EIF4ENIF1: variants seen among roughly 807,000 people sequenced by gnomAD.
EIF4ENIF1 encodes the protein eukaryotic translation initiation factor 4E transporter.
A neutral mutation model predicts 110.5 loss-of-function variants in EIF4ENIF1; 23 were observed. The observed-to-expected ratio is 0.21, with a 90% CI of 0.15 to 0.29. EIF4ENIF1 has a LOEUF of 0.29. Among genes scored for constraint, EIF4ENIF1 ranks in the 10% least tolerant of loss-of-function variants. The pLI is 1.00. For missense variants in EIF4ENIF1, 1,031 were observed against 1,221.1 expected (o/e 0.84, Z 2.32); for synonymous variants, 440 against 437.0 (o/e 1.01, Z -0.09).
Position 31,440,791 on chromosome 22 carries a change from A to AAGG in EIF4ENIF1, c.2626_2628dup (p.Pro876dup). The AAGG allele has an allele frequency of 3.7e-6, 6 of 1,614,002 alleles. No homozygotes were observed. Among genetic ancestry groups the AAGG allele is most frequent in the Non-Finnish European group, 5.1e-6 (6 of 1,179,884 alleles). On this transcript the variant is annotated inframe_insertion, in exon 18 of 19. Coordinates refer to ENST00000330125, the MANE Select transcript of EIF4ENIF1 (RefSeq NM_019843.4). ...AAGAGAGGGTGACTAGCAGCAGGTA[A>AAGG]AGGGTAAAAGGGCTGACCCAGGATG...
intron 2 of EIF4ENIF1, among the ~76,000 whole-genome samples, chr22:31,472,382 C>T (rs969384889): frequency 6.6e-6 from 1 of 151,854 alleles, no homozygotes; most frequent in South Asian, 2.1e-4. Flanking sequence ...AATTCTCTTG[C>T]TTCAGTCTCC....
chr22:31,482,749 C>A (rs1030749310), intron 2 of EIF4ENIF1, among the ~76,000 whole-genome samples: 1 of 149,266 alleles, frequency 6.7e-6, no homozygotes, highest in African/African-American at 2.5e-5. Context: ...TGAGGCCAGG[C>A]GTGGTGGCTC....
chr22:31,471,810 T>G, intron 3 of EIF4ENIF1, 34 bp downstream of exon 3: 1 of 1,539,148 alleles, frequency 6.5e-7, no homozygotes, highest in South Asian at 1.2e-5. Flanking sequence ...AGTTATTGAC[T>G]AGAAGTAGTT....
At chr22:31,452,572 T>C (rs1445383579) in intron 10 of EIF4ENIF1, among the ~76,000 whole-genome samples, 1 of 152,206 alleles carries the variant, frequency 6.6e-6, no homozygotes, top group Non-Finnish European at 1.5e-5. Flanking sequence ...AACTGCTGAA[T>C]GCCCCCTTCC....
chr22:31,481,451 C>T (rs1415213619), intron 2 of EIF4ENIF1, among the ~76,000 whole-genome samples: 1 of 151,992 alleles, frequency 6.6e-6, no homozygotes, highest in Non-Finnish European at 1.5e-5. Flanking sequence ...ATTCTACCTT[C>T]TCCAACATAA....
At chr22:31,448,309 A>G (rs1278146676) in intron 12 of EIF4ENIF1, 77 bp from the exon 13 acceptor site, 2 of 1,339,770 alleles carry the variant, frequency 1.5e-6, no homozygotes, top group African/African-American at 1.4e-5. Context: ...AATGCATGAC[A>G]TTTCTTGCTG....
chr22:31,456,485 A>C (rs1397263707), intron 7 of EIF4ENIF1, among the ~76,000 whole-genome samples: 1 of 151,526 alleles, frequency 6.6e-6, no homozygotes, highest in Non-Finnish European at 1.5e-5. Flanking sequence ...GGCCTCCCAA[A>C]GTGCTGGGAT....
rs559409449 is a variant in EIF4ENIF1 at position 31,476,211 on chromosome 22, A to T, written c.97-4294T>A. ...CAGATACTAAGAACCCTAATGTGCT[A>T]TTCAATCAAAGACAATCTTTCACGC... On this transcript the variant is annotated intron_variant, in intron 2 of 18. Transcript: ENST00000330125. 2.0e-5 allele frequency among the ~76,000 whole-genome samples: 3 copies of T among 152,326 alleles called. No homozygotes were observed. The East Asian group carries it at 5.8e-4, about 29-fold the overall frequency.
In EIF4ENIF1 at chr22:31,449,341, T is replaced by A. The variant is rs376590224; in HGVS notation, c.1768+7A>T. On this transcript the variant is annotated splice_region_variant and intron_variant, in intron 12 of 18. Coordinates refer to ENST00000330125, the MANE Select transcript of EIF4ENIF1 (RefSeq NM_019843.4). ...TCATATTTCTTTTGACAAATAAGTA[T>A]ATTTACCAATTGGTGATGGTATTCT... 2 of 1,612,902 alleles carry A rather than the reference T, an allele frequency of 1.2e-6. No homozygotes were observed. Among genetic ancestry groups the A allele is most frequent in the Non-Finnish European group, 1.7e-6 (2 of 1,179,466 alleles).
At chr22:31,482,621 G>A (rs2051860187) in intron 2 of EIF4ENIF1, among the ~76,000 whole-genome samples, 1 of 151,720 alleles carries the variant, frequency 6.6e-6, no homozygotes, top group Non-Finnish European at 1.5e-5. Context: ...AGCAGAGGTT[G>A]CAGTGAGCCA....
rs140034556 is a variant in EIF4ENIF1 at position 31,459,577 on chromosome 22, T to TG, written c.788-928_788-927insC. Reference sequence around the variant, plus strand: ...ATCTCTGAGTACTTGTCACACTGTATAATAGTAACTCTCTGGTGAGGCTAA... The same window carrying TG: ...ATCTCTGAGTACTTGTCACACTGTATGAATAGTAACTCTCTGGTGAGGCTAA... On this transcript the variant is annotated intron_variant, in intron 6 of 18. Transcript: ENST00000330125. 5.2e-3 allele frequency among the ~76,000 whole-genome samples: 789 copies of TG among 152,258 alleles called. 5 individuals carry two copies. The highest frequency in any genetic ancestry group is 0.018 in the African/African-American group (747 of 41,544).
intron 1 of EIF4ENIF1, 196 bp downstream of exon 1, chr22:31,489,498 G>A (rs2052180400): frequency 1.3e-5 from 2 of 148,398 alleles, no homozygotes; most frequent in Non-Finnish European, 3.0e-5. Context: ...CCGGCGGCTC[G>A]GTCCCCGCCA....
At chr22:31,456,507 G>C (rs927492272) in intron 7 of EIF4ENIF1, among the ~76,000 whole-genome samples, 9 of 148,104 alleles carry the variant, frequency 6.1e-5, no homozygotes, top group East Asian at 6.1e-4. Context: ...ACAAGCATGA[G>C]CCACCACACC....
rs796108181 is a variant in EIF4ENIF1 at position 31,464,726 on chromosome 22, A to ATATATATATATT, written c.299-760_299-759insAATATATATATA. Among the ~76,000 whole-genome samples, 312 of 57,152 alleles carry ATATATATATATT rather than the reference A, an allele frequency of 5.5e-3. 30 individuals are homozygous for ATATATATATATT. The highest frequency in any genetic ancestry group is 8.1e-3 in the African/African-American group (109 of 13,380). 37.5% of individuals were successfully genotyped at this position (57,152 alleles called of 152,430 possible). A position where few individuals can be genotyped will look rare whatever the true frequency, so the allele number is the denominator to read the frequency against. On this transcript the variant is annotated intron_variant, in intron 4 of 18. Coordinates refer to ENST00000330125, the MANE Select transcript of EIF4ENIF1 (RefSeq NM_019843.4). The stretch of plus-strand genomic sequence containing the variant: ...TATATATATATATATATATATATAT[A>ATATATATATATT]AACAGATATATACAAAAATTAATTC...
Position 31,455,255 on chromosome 22 carries a change from G to A in EIF4ENIF1, c.1160C>T (p.Pro387Leu). The A allele has an allele frequency of 6.2e-7, 1 of 1,613,782 alleles. No individual in the cohort carries two copies. The highest frequency in any genetic ancestry group is 1.1e-5 in the South Asian group (1 of 90,968). ...QNSGNYFAPI[P>L]LEDHAENKVD... ...TTTATTTTCAGCATGGTCTTCCAAT[G>A]GTATAGGAGCAAAGTAATTCCCCGA... Residue 387 changes from proline to leucine, a missense_variant, in exon 9 of 19, where the codon CCA becomes CTA. Physicochemically the swap from Pro to Leu is moderately conservative, Grantham distance 98. Coordinates refer to ENST00000330125, the MANE Select transcript of EIF4ENIF1 (RefSeq NM_019843.4).
At chr22:31,464,015 TTTC>T (rs754761782) in intron 4 of EIF4ENIF1, 48 bp from the exon 5 acceptor site, 19 of 1,562,620 alleles carry the variant, frequency 1.2e-5, no homozygotes, top group Non-Finnish European at 1.6e-5. Flanking sequence ...ACAAGGGTGT[TTTC>T]TTCTTTTTTA....
intron 14 of EIF4ENIF1, chr22:31,446,912 C>A: frequency 2.3e-6 from 1 of 434,054 alleles, no homozygotes; most frequent in Non-Finnish European, 4.6e-6. Flanking sequence ...CAGTACTCTA[C>A]TTGTTAACAG....
intron 15 of EIF4ENIF1, 67 bp from the exon 16 acceptor site, chr22:31,443,161 T>G: frequency 6.3e-7 from 1 of 1,581,368 alleles, no homozygotes; most frequent in South Asian, 1.1e-5. Context: ...AAGCCAGGAT[T>G]AACTTGTCAA....
At chr22:31,450,745 T>C (rs576264484) in intron 10 of EIF4ENIF1, 360 of 268,596 alleles carry the variant, frequency 1.3e-3, no homozygotes, top group Non-Finnish European at 1.4e-3. Context: ...CACACACTCA[T>C]ATATACACAC....
Sources: allele counts gnomAD v4.1 joint callset (sites outside exome capture counted in the v4.1 genomes callset), GRCh38; gene constraint gnomAD v4.1.1; transcripts MANE v1.5; gene names NCBI Gene and HGNC (gene_info 2026-07-23, HGNC 2026-07-21).